SEC13: variants seen among roughly 807,000 people sequenced by gnomAD.
SEC13 encodes SEC13 homolog, nuclear pore and COPII component.
SEC13 carries 25 observed loss-of-function variants against 49.2 expected under a neutral mutation model. The observed-to-expected ratio is 0.51, with a 90% CI of 0.37 to 0.71. The LOEUF (loss-of-function observed/expected upper bound fraction) is 0.71. SEC13 is among the 30% of genes least tolerant of loss of function. SEC13 has a pLI of 0.00. For missense variants in SEC13, 383 were observed against 417.6 expected, an observed-to-expected ratio of 0.92 and a Z score of 0.72; for synonymous variants, 148 against 163.9, an observed-to-expected ratio of 0.90 and a Z score of 0.74.
intron 5 of SEC13, among the ~76,000 whole-genome samples, chr3:10,311,218 G>C (rs1456277116): frequency 6.6e-6 from 1 of 152,226 alleles, no homozygotes; most frequent in East Asian, 1.9e-4. Flanking sequence ...GTGCTCCTCT[G>C]GTGGAATGGT....
chr3:10,303,196 T>G (rs1700650415), intron 8 of SEC13, among the ~76,000 whole-genome samples: 1 of 152,136 alleles, frequency 6.6e-6, no homozygotes, highest in Non-Finnish European at 1.5e-5. Flanking sequence ...TGGGAAACAG[T>G]AAAAGACCAA....
At chr3:10,316,239 T>G (rs539772114) in intron 2 of SEC13, among the ~76,000 whole-genome samples, 1 of 152,230 alleles carries the variant, frequency 6.6e-6, no homozygotes, top group Admixed American at 6.5e-5. Context: ...CCCTTCTGCT[T>G]GCTGGCCCTG....
At chr3:10,313,321 T>C (rs1559498622) in intron 3 of SEC13, 2 of 430,702 alleles carry the variant, frequency 4.6e-6, no homozygotes, top group South Asian at 1.7e-5. Flanking sequence ...AGGGAAGGTT[T>C]TGCACCTTAG....
intron 4 of SEC13, 88 bp from the exon 5 acceptor site, chr3:10,312,186 G>A: frequency 6.7e-7 from 1 of 1,482,856 alleles, no homozygotes; most frequent in Non-Finnish European, 9.0e-7. Context: ...TTTACTAAAT[G>A]TCTACAACAA....
chr3:10,319,627 G>A (rs1411200796), intron 1 of SEC13, among the ~76,000 whole-genome samples: 2 of 151,764 alleles, frequency 1.3e-5, no homozygotes, highest in African/African-American at 2.4e-5. Context: ...GTAAAGCTGC[G>A]GTTAAGTAGG....
chr3:10,306,113 C>G (rs1328766108), intron 5 of SEC13, among the ~76,000 whole-genome samples: 1 of 152,190 alleles, frequency 6.6e-6, no homozygotes, highest in Non-Finnish European at 1.5e-5. Context: ...GCCCTAACTT[C>G]TAACCCATTT....
At chr3:10,306,925 T>C (rs1700912747) in intron 5 of SEC13, among the ~76,000 whole-genome samples, 1 of 152,200 alleles carries the variant, frequency 6.6e-6, no homozygotes, top group Non-Finnish European at 1.5e-5. Flanking sequence ...GGTATGTCTT[T>C]GCCAGCAGCG....
intron 5 of SEC13, among the ~76,000 whole-genome samples, chr3:10,311,386 T>C (rs1265340306): frequency 6.6e-6 from 1 of 152,240 alleles, no homozygotes; most frequent in Non-Finnish European, 1.5e-5. Flanking sequence ...TACAGATGCA[T>C]GACAGCAAAC....
rs749464485 is a variant in SEC13, at chr3:10,305,705, G to C, written c.451-13C>G. On this transcript the variant is annotated splice_polypyrimidine_tract_variant and intron_variant, in intron 5 of 8. Transcript: ENST00000350697. The stretch of plus-strand genomic sequence containing the variant: ...CATTGCAGCCAATCTGTAAAGATGG[G>C]ACACATGGTGACTCTGCCTTGCAAG... 1.9e-6 allele frequency: 3 copies of C among 1,613,812 alleles called. No homozygotes were observed. The highest frequency in any genetic ancestry group is 2.5e-6 in the Non-Finnish European group (3 of 1,179,828).
chr3:10,310,184 A>AAAT, intron 5 of SEC13, among the ~76,000 whole-genome samples: 1 of 152,066 alleles, frequency 6.6e-6, no homozygotes, highest in South Asian at 2.1e-4. Context: ...TTGATTAGCA[A>AAAT]AATGCAAATA....
chr3:10,311,346 G>T (rs1701240833), intron 5 of SEC13, among the ~76,000 whole-genome samples: 1 of 152,130 alleles, frequency 6.6e-6, no homozygotes, highest in Non-Finnish European at 1.5e-5. Context: ...AATTATTGTA[G>T]AATTAAACTC....
intron 3 of SEC13, chr3:10,313,795 C>T (rs575746232): frequency 5.8e-6 from 1 of 172,728 alleles, no homozygotes; most frequent in African/African-American, 2.3e-5. Flanking sequence ...GCAAACATAA[C>T]TGCCTTGGCC....
At chr3:10,304,352 A>G (rs1700730586) in intron 7 of SEC13, among the ~76,000 whole-genome samples, 180 bp from the exon 8 acceptor site, 2 of 152,150 alleles carry the variant, frequency 1.3e-5, no homozygotes, top group African/African-American at 4.8e-5. Context: ...ACACTGGTTA[A>G]GAGTCTCCCG....
chr3:10,306,824 T>C lies in SEC13; in HGVS notation c.451-1132A>G, dbSNP rs575126977. Among the ~76,000 whole-genome samples the C allele has an allele frequency of 2.0e-5, 3 of 152,336 alleles. No homozygotes were observed. The South Asian group carries it at 6.2e-4, about 32-fold the overall frequency. ...ATCCACGTAAGCTGTGACTTGTTCCTCCTTGCCTTCTGCCATGACTGTGAG... is the reference window on the plus strand; with the variant it reads ...ATCCACGTAAGCTGTGACTTGTTCCCCCTTGCCTTCTGCCATGACTGTGAG... On this transcript the variant is annotated intron_variant, in intron 5 of 8. Transcript: ENST00000350697.
intron 8 of SEC13, among the ~76,000 whole-genome samples, chr3:10,303,035 G>T (rs1700637062): frequency 6.6e-6 from 1 of 152,252 alleles, no homozygotes; most frequent in Admixed American, 6.5e-5. Flanking sequence ...CTGGGGAGGG[G>T]CAATGGGGAA....
intron 1 of SEC13, 189 bp downstream of exon 1, chr3:10,320,861 T>A (rs1025146632): frequency 4.5e-6 from 6 of 1,319,768 alleles, no homozygotes. Context: ...GGGAGGTTCC[T>A]CGGCCTCACC....
At position 10,304,185 on chromosome 3, in the gene SEC13, A is replaced by C; in HGVS notation, c.709-13T>G. The C allele has an allele frequency of 6.2e-7, 1 of 1,613,566 alleles. No homozygotes were observed. Among genetic ancestry groups the C allele is most frequent in the Non-Finnish European group, 8.5e-7 (1 of 1,179,730 alleles). The stretch of plus-strand genomic sequence containing the variant: ...ACACACGACCATCCTAGGAAGAAAC[A>C]GGATAGAGTCAGGAGGTGGAGTCAA... On this transcript the variant is annotated splice_polypyrimidine_tract_variant and intron_variant, in intron 7 of 8. Coordinates refer to ENST00000350697, the MANE Select transcript of SEC13 (RefSeq NM_183352.3).
rs1559488345 is a variant in SEC13 at position 10,301,379 on chromosome 3, G to GAGTC, written c.856-9_856-6dup. On this transcript the variant is annotated splice_region_variant and splice_polypyrimidine_tract_variant and intron_variant, in intron 8 of 8. Coordinates refer to ENST00000350697, the MANE Select transcript of SEC13 (RefSeq NM_183352.3). ...TGACTCCTTCCACAGGGTCACCTGC[G>GAGTC]AGTCAGTGCACAAGCAGATTATCAC... 2 of 1,614,072 alleles carry GAGTC rather than the reference G, an allele frequency of 1.2e-6. No individual in the cohort carries two copies. The highest frequency in any genetic ancestry group is 1.1e-5 in the South Asian group (1 of 91,080).
intron 6 of SEC13, 74 bp downstream of exon 6, chr3:10,305,485 G>T: frequency 6.5e-7 from 1 of 1,542,404 alleles, no homozygotes; most frequent in Non-Finnish European, 8.8e-7. Context: ...TCTTGTGAGT[G>T]TGGCTGAGTC....
Sources: gnomAD v4.1 joint callset for allele counts (sites outside exome capture counted in the v4.1 genomes callset) on GRCh38, gnomAD v4.1.1 for gene constraint, MANE v1.5 for transcripts, NCBI Gene and HGNC (gene_info 2026-07-23, HGNC 2026-07-21) for gene names.